Variants in MAML2 observed in about 807,000 individuals in gnomAD.
The protein encoded by MAML2 is mastermind-like protein 2.
In MAML2, 22 loss-of-function variants were observed where a neutral mutation model predicts 96.1. That is an observed-to-expected ratio of 0.23 (90% CI 0.16 to 0.33). The LOEUF is 0.33. MAML2 is among the 10% of genes least tolerant of loss of function. The pLI is 1.00. For missense variants in MAML2, 1,367 were observed against 1,392.4 expected (o/e 0.98, Z 0.29); for synonymous variants, 561 against 521.3 (o/e 1.08, Z -1.04).
chr11:96,067,563 C>T lies in MAML2; in HGVS notation c.2139+24329G>A, dbSNP rs375122267. 8.6e-4 allele frequency among the ~76,000 whole-genome samples: 129 copies of T among 150,092 alleles called. 1 individual carries two copies. The highest frequency in any genetic ancestry group is 2.8e-3 in the African/African-American group (113 of 40,784). On this transcript the variant is annotated intron_variant, in intron 2 of 4. Transcript: ENST00000524717. ...AAGTCAAGACCCAACAAATGAAACA[C>T]TTCTCCTGGAAATTATATCCCATTT...
At chr11:96,305,366 G>T (rs1369100392) in intron 1 of MAML2, among the ~76,000 whole-genome samples, 1 of 152,198 alleles carries the variant, frequency 6.6e-6, no homozygotes, top group Admixed American at 6.5e-5. Flanking sequence ...TGATAGTGGT[G>T]TGTCAATGTA....
intron 2 of MAML2, among the ~76,000 whole-genome samples, chr11:96,073,258 T>C (rs1168238921): frequency 6.6e-6 from 1 of 152,108 alleles, no homozygotes; most frequent in African/African-American, 2.4e-5. Flanking sequence ...CTCCTGTCCC[T>C]TGGACACCTC....
intron 1 of MAML2, among the ~76,000 whole-genome samples, chr11:96,117,060 A>C (rs1413898475): frequency 6.6e-6 from 1 of 152,208 alleles, no homozygotes; most frequent in Admixed American, 6.5e-5. Context: ...TTGTGAGATT[A>C]AACAGGGACA....
chr11:96,033,832 T>C (rs1484217486), intron 2 of MAML2, among the ~76,000 whole-genome samples: 1 of 152,156 alleles, frequency 6.6e-6, no homozygotes, highest in African/African-American at 2.4e-5. Flanking sequence ...GATATTCCAT[T>C]TGGATCCAGT....
At chr11:96,264,967 T>C (rs1565266769) in intron 1 of MAML2, among the ~76,000 whole-genome samples, 1 of 152,222 alleles carries the variant, frequency 6.6e-6, no homozygotes, top group African/African-American at 2.4e-5. Flanking sequence ...ACCTTCTGGC[T>C]TTCAAAAGTT....
At chr11:96,330,286 G>A (rs1209999020) in intron 1 of MAML2, among the ~76,000 whole-genome samples, 1 of 152,192 alleles carries the variant, frequency 6.6e-6, no homozygotes, top group Non-Finnish European at 1.5e-5. Flanking sequence ...AGAGAAAGCA[G>A]GAAAACTGTT....
intron 1 of MAML2, among the ~76,000 whole-genome samples, chr11:96,274,043 T>C (rs977647081): frequency 6.6e-6 from 1 of 151,362 alleles, no homozygotes; most frequent in Non-Finnish European, 1.5e-5. Flanking sequence ...TTATTCCTAG[T>C]TCTTTTTCTT....
At chr11:96,180,629 T>G (rs1861468868) in intron 1 of MAML2, among the ~76,000 whole-genome samples, 1 of 152,194 alleles carries the variant, frequency 6.6e-6, no homozygotes, top group Non-Finnish European at 1.5e-5. Context: ...GGAGCCAATC[T>G]GGACTGACTC....
chr11:96,194,332 G>A (rs551411991), intron 1 of MAML2, among the ~76,000 whole-genome samples: 173 of 152,164 alleles, frequency 1.1e-3, no homozygotes, highest in Non-Finnish European at 1.9e-3. Flanking sequence ...CATAGTTGAA[G>A]CTTACATATG....
chr11:96,102,209 G>A (rs542283988), intron 1 of MAML2, among the ~76,000 whole-genome samples: 1 of 152,314 alleles, frequency 6.6e-6, no homozygotes, highest in African/African-American at 2.4e-5. Context: ...CTGGGAGGCG[G>A]AGCTTGCAGT....
rs118143994 is a variant in MAML2, at chr11:96,277,212, G to T, written c.513+64171C>A. Among the ~76,000 whole-genome samples the T allele has an allele frequency of 4.7e-4, 72 of 152,248 alleles. No individual in the cohort carries two copies. The East Asian group carries it at 0.012, about 26-fold the overall frequency. ...CAGGCCAGGAACTATAGCAAACTTAGGACTTCTGTATCTCGATTTTTTTTT... is the reference window on the plus strand; with the variant it reads ...CAGGCCAGGAACTATAGCAAACTTATGACTTCTGTATCTCGATTTTTTTTT... On this transcript the variant is annotated intron_variant, in intron 1 of 4. Coordinates refer to ENST00000524717, the MANE Select transcript of MAML2 (RefSeq NM_032427.4).
intron 1 of MAML2, among the ~76,000 whole-genome samples, chr11:96,197,282 CCTT>C (rs1487174554): frequency 6.6e-6 from 1 of 152,206 alleles, no homozygotes. Context: ...CCTTGCTCCT[CCTT>C]CGACATAACT....
chr11:96,008,258 G>A (rs1359319598), intron 2 of MAML2, among the ~76,000 whole-genome samples: 1 of 151,720 alleles, frequency 6.6e-6, no homozygotes, highest in African/African-American at 2.4e-5. Flanking sequence ...CTAGTTACTT[G>A]TAACTGAAAA....
chr11:96,244,990 T>A (rs1862490827), intron 1 of MAML2, among the ~76,000 whole-genome samples: 1 of 152,220 alleles, frequency 6.6e-6, no homozygotes, highest in South Asian at 2.1e-4. Context: ...ATGTTAGATG[T>A]GAGATTATAC....
Position 96,103,815 on chromosome 11 carries a change from T to C in MAML2, c.514-10298A>G, listed in dbSNP as rs1859975473. Reference sequence around the variant, plus strand: ...CCTCTCTCTGCCCCACTGTGTTCTCTGGATAGCAACAAAAGGGATCTCCTT... The same window carrying C: ...CCTCTCTCTGCCCCACTGTGTTCTCCGGATAGCAACAAAAGGGATCTCCTT... On this transcript the variant is annotated intron_variant, in intron 1 of 4. Coordinates refer to ENST00000524717, the MANE Select transcript of MAML2 (RefSeq NM_032427.4). Among the ~76,000 whole-genome samples the C allele has an allele frequency of 2.6e-5, 4 of 152,220 alleles. No individual in the cohort carries two copies. The South Asian group carries it at 8.3e-4, about 32-fold the overall frequency.
rs75653449 is a variant in MAML2 at position 96,034,713 on chromosome 11, C to T, written c.2140-42990G>A. ...GAGCATTCAAAATCATTTAGCATCA[C>T]GAGAAATCTTAAAAGCATATTCTAA... On this transcript the variant is annotated intron_variant, in intron 2 of 4. Transcript: ENST00000524717. Among the ~76,000 whole-genome samples, 1,508 of 152,124 alleles carry T rather than the reference C, an allele frequency of 9.9e-3. 32 individuals are homozygous for T. The highest frequency in any genetic ancestry group is 0.034 in the African/African-American group (1,423 of 41,482).
intron 1 of MAML2, among the ~76,000 whole-genome samples, chr11:96,211,009 C>T (rs1296473571): frequency 6.6e-6 from 1 of 152,084 alleles, no homozygotes; most frequent in Non-Finnish European, 1.5e-5. Context: ...TATTGGACTA[C>T]ATTTAGATTT....
chr11:96,236,646 A>T (rs1303781556), intron 1 of MAML2, among the ~76,000 whole-genome samples: 1 of 152,212 alleles, frequency 6.6e-6, no homozygotes, highest in African/African-American at 2.4e-5. Context: ...AGGAGAGTCT[A>T]TCAAATGAAG....
At chr11:96,042,071 G>A (rs1858822297) in intron 2 of MAML2, among the ~76,000 whole-genome samples, 1 of 151,808 alleles carries the variant, frequency 6.6e-6, no homozygotes. Flanking sequence ...CCACCTCCCG[G>A]GTTCAGGCCA....
Sources: allele counts gnomAD v4.1 joint callset (sites outside exome capture counted in the v4.1 genomes callset), GRCh38; gene constraint gnomAD v4.1.1; transcripts MANE v1.5; gene names NCBI Gene and HGNC (gene_info 2026-07-23, HGNC 2026-07-21).